The following KANSL1 variants were observed in gnomAD, a reference collection of about 807,000 sequenced individuals.
KANSL1 encodes the protein MLL1/MLL complex subunit KANSL1.
In KANSL1, 22 loss-of-function variants were observed where a neutral mutation model predicts 103.6. The observed-to-expected ratio is 0.21, with a 90% confidence interval of 0.15 to 0.30. The LOEUF (loss-of-function observed/expected upper bound fraction) is 0.30. Ranked by LOEUF, KANSL1 falls within the 10% of genes least tolerant of loss-of-function variation. KANSL1 has a pLI of 1.00. For missense variants in KANSL1, 1,337 were observed against 1,399.8 expected, an observed-to-expected ratio of 0.96 and a Z score of 0.72; for synonymous variants, 600 against 527.6, an observed-to-expected ratio of 1.14 and a Z score of -1.88.
At chr17:46,204,966 G>T (rs2047916573) in intron 1 of KANSL1, among the ~76,000 whole-genome samples, 1 of 151,968 alleles carries the variant, frequency 6.6e-6, no homozygotes, top group Non-Finnish European at 1.5e-5. Context: ...ATACCTATGG[G>T]GGAAAAAAAG....
chr17:46,038,985 C>G, intron 9 of KANSL1, 42 bp downstream of exon 9: 1 of 1,588,262 alleles, frequency 6.3e-7, no homozygotes. Context: ...AAGCCCTGAG[C>G]AGGTGCAGTT....
intron 2 of KANSL1, among the ~76,000 whole-genome samples, chr17:46,104,244 A>G (rs373325789): frequency 6.6e-6 from 1 of 152,200 alleles, no homozygotes; most frequent in African/African-American, 2.4e-5. Context: ...AAACATATAC[A>G]TATTATATAC....
chr17:46,172,003 G>T lies in KANSL1; in HGVS notation c.141C>A (p.Asn47Lys). The T allele has an allele frequency of 4.3e-6, 7 of 1,614,272 alleles. No homozygotes were observed. The highest frequency in any genetic ancestry group is 5.9e-6 in the Non-Finnish European group (7 of 1,180,046). Residue 47 changes from asparagine to lysine, a missense_variant, in exon 2 of 15, where the codon AAC becomes AAA. Physicochemically the swap from Asn to Lys is moderately conservative, Grantham distance 94. Coordinates refer to ENST00000432791, the MANE Select transcript of KANSL1 (RefSeq NM_015443.4). ...NGNANILIAA[N>K]GTKRKAIAAE... ...CAGCAATGGCTTTTCTTTTGGTTCCGTTGGCAGCAATAAGGATGTTGGCGT... is the reference window on the plus strand; with the variant it reads ...CAGCAATGGCTTTTCTTTTGGTTCCTTTGGCAGCAATAAGGATGTTGGCGT...
intron 2 of KANSL1, among the ~76,000 whole-genome samples, chr17:46,123,458 C>T (rs987929792): frequency 2.0e-5 from 3 of 152,140 alleles, no homozygotes; most frequent in Admixed American, 1.3e-4. Flanking sequence ...CCAACATAGG[C>T]TGAAAGTAAG....
upstream of KANSL1, chr17:46,225,216 G>T (rs182283678): frequency 2.6e-5 from 4 of 154,494 alleles, no homozygotes; most frequent in South Asian, 8.3e-4. Flanking sequence ...CCTCCCAGCC[G>T]GGCCGCTCCC....
chr17:46,146,422 G>C (rs1047809397), intron 2 of KANSL1, among the ~76,000 whole-genome samples: 13 of 152,090 alleles, frequency 8.5e-5, no homozygotes, highest in Non-Finnish European at 1.9e-4. Flanking sequence ...TGATAGTCCA[G>C]GGCTCTTTCC....
At chr17:46,127,308 A>G (rs946452963) in intron 2 of KANSL1, among the ~76,000 whole-genome samples, 2 of 152,234 alleles carry the variant, frequency 1.3e-5, no homozygotes, top group Non-Finnish European at 2.9e-5. Context: ...AATCAAACTG[A>G]AAGGGAAAAA....
Position 46,161,250 on chromosome 17 carries a change from T to TAAA in KANSL1, c.1289+9602_1289+9604dup, listed in dbSNP as rs534754110. Among the ~76,000 whole-genome samples, 311 of 79,354 alleles carry TAAA rather than the reference T, an allele frequency of 3.9e-3. 11 individuals are homozygous for TAAA. Among genetic ancestry groups the TAAA allele is most frequent in the Middle Eastern group, 0.02 (3 of 150 alleles). 52.1% of individuals were successfully genotyped at this position (79,354 alleles called of 152,430 possible). A position where few individuals can be genotyped will look rare whatever the true frequency, so the allele number is the denominator to read the frequency against. Reference sequence around the variant, plus strand: ...TAACATGATGAAACCCCACCTCTACTAAAAAAAAAAAAAAAAAAAAAAAAA... The same window carrying TAAA: ...TAACATGATGAAACCCCACCTCTACTAAAAAAAAAAAAAAAAAAAAAAAAAAAA... On this transcript the variant is annotated intron_variant, in intron 2 of 14. Coordinates refer to ENST00000432791, the MANE Select transcript of KANSL1 (RefSeq NM_015443.4).
At chr17:46,131,857 G>A (rs369476021) in intron 2 of KANSL1, among the ~76,000 whole-genome samples, 4 of 152,160 alleles carry the variant, frequency 2.6e-5, no homozygotes, top group Non-Finnish European at 5.9e-5. Context: ...GGCTAGGCAC[G>A]GCGGCTCATG....
At chr17:46,136,571 T>C (rs2044154745) in intron 2 of KANSL1, among the ~76,000 whole-genome samples, 1 of 152,248 alleles carries the variant, frequency 6.6e-6, no homozygotes, top group African/African-American at 2.4e-5. Flanking sequence ...TTAGGTAGAC[T>C]GGATGCCCAA....
intron 6 of KANSL1, among the ~76,000 whole-genome samples, chr17:46,060,523 A>ATACT (rs1365353380): frequency 6.6e-6 from 1 of 152,214 alleles, no homozygotes; most frequent in Non-Finnish European, 1.5e-5. Flanking sequence ...TTCTTTTAGT[A>ATACT]GCTTTATGTC....
At chr17:46,149,292 C>A (rs1183361951) in intron 2 of KANSL1, among the ~76,000 whole-genome samples, 2 of 152,234 alleles carry the variant, frequency 1.3e-5, no homozygotes, top group Non-Finnish European at 2.9e-5. Flanking sequence ...TAAGCCACTG[C>A]GCCCAGCCTG....
intron 2 of KANSL1, among the ~76,000 whole-genome samples, chr17:46,140,319 A>G (rs2044357257): frequency 1.3e-5 from 2 of 152,228 alleles, no homozygotes; most frequent in African/African-American, 2.4e-5. Context: ...TACAATAAAT[A>G]TGGTACAAGG....
intron 1 of KANSL1, among the ~76,000 whole-genome samples, chr17:46,177,166 AAC>A (rs1425737009): frequency 4.6e-5 from 7 of 152,352 alleles, no homozygotes; most frequent in Non-Finnish European, 8.8e-5. Flanking sequence ...ATCTACAAGT[AAC>A]AGAGCCTTCC....
Position 46,038,550 on chromosome 17 carries a change from T to A in KANSL1, c.2529A>T (p.Thr843=), listed in dbSNP as rs747933631. Residue 843 remains threonine (T), a synonymous_variant, in exon 10 of 15, where the codon ACA becomes ACT. Transcript: ENST00000432791. ...CACAGGTACTTACCGATGTGCTGGC[T>A]GTAACCTGTGAGCTAGAGCTGGCGG... ...PAPASSSSQV[T]ASTSQQPVRR... is the part of the protein sequence containing the mutation. 32 of 1,613,958 alleles carry A rather than the reference T, an allele frequency of 2.0e-5. No individual in the cohort carries two copies. In the East Asian group the frequency reaches 6.7e-4, roughly 34 times the overall value.
intron 2 of KANSL1, among the ~76,000 whole-genome samples, chr17:46,136,629 G>A (rs2044156951): frequency 6.6e-6 from 1 of 152,102 alleles, no homozygotes; most frequent in Non-Finnish European, 1.5e-5. Flanking sequence ...GGCCTTTCTC[G>A]TCACCCACCC....
chr17:46,126,647 T>C (rs1270613193), intron 2 of KANSL1, among the ~76,000 whole-genome samples: 1 of 152,214 alleles, frequency 6.6e-6, no homozygotes, highest in Non-Finnish European at 1.5e-5. Context: ...AACTTCATTA[T>C]TAAGTGAGTT....
At chr17:46,173,914 A>G (rs2046400862) in intron 1 of KANSL1, among the ~76,000 whole-genome samples, 1 of 152,246 alleles carries the variant, frequency 6.6e-6, no homozygotes, top group Non-Finnish European at 1.5e-5. Flanking sequence ...AAAGCACAGT[A>G]CAACTGAGTT....
intron 2 of KANSL1, among the ~76,000 whole-genome samples, chr17:46,138,644 C>G (rs1375684564): frequency 6.6e-6 from 1 of 152,216 alleles, no homozygotes; most frequent in Non-Finnish European, 1.5e-5. Context: ...GAGACTCCAC[C>G]TGTAATGGCT....
Sources: gnomAD v4.1 joint callset for allele counts (sites outside exome capture counted in the v4.1 genomes callset) on GRCh38, gnomAD v4.1.1 for gene constraint, MANE v1.5 for transcripts, NCBI Gene and HGNC (gene_info 2026-07-23, HGNC 2026-07-21) for gene names.